Variants in KLHL1 observed in about 807,000 individuals in gnomAD.
The protein encoded by KLHL1 is kelch-like protein 1.
In KLHL1, 47 loss-of-function variants were observed where a neutral mutation model predicts 77.7. That is an observed-to-expected ratio of 0.60 (90% CI 0.48 to 0.77). KLHL1 has a LOEUF of 0.77. KLHL1 is among the 30% of genes least tolerant of loss of function. The pLI, the probability that KLHL1 is intolerant of heterozygous loss-of-function variation, is 0.00. For missense variants in KLHL1, 925 were observed against 910.8 expected, an observed-to-expected ratio of 1.02 and a Z score of -0.20; for synonymous variants, 360 against 325.2, an observed-to-expected ratio of 1.11 and a Z score of -1.15.
intron 1 of KLHL1, among the ~76,000 whole-genome samples, chr13:69,989,142 T>A (rs1884954924): frequency 6.6e-6 from 1 of 152,086 alleles, no homozygotes; most frequent in African/African-American, 2.4e-5. Context: ...TTGTATATAG[T>A]GTAAGGAAGG....
Position 69,943,782 on chromosome 13 carries a change from T to A in KLHL1, c.818-3546A>T, listed in dbSNP as rs928143520. Among the ~76,000 whole-genome samples, 4 of 152,306 alleles carry A rather than the reference T, an allele frequency of 2.6e-5. No individual in the cohort carries two copies. The East Asian group carries it at 5.8e-4, about 22-fold the overall frequency. On this transcript the variant is annotated intron_variant, in intron 3 of 10. Transcript: ENST00000377844. ...CATATATACCCTTCAACATATTGTT[T>A]TGACTTAAAACTTCAGAGGAATTTT...
intron 8 of KLHL1, among the ~76,000 whole-genome samples, chr13:69,723,564 C>A (rs1873161408): frequency 6.6e-6 from 1 of 152,020 alleles, no homozygotes; most frequent in Non-Finnish European, 1.5e-5. Context: ...TATGAATAGA[C>A]CCCTCCTCTT....
intron 4 of KLHL1, among the ~76,000 whole-genome samples, chr13:69,913,070 T>A (rs942238128): frequency 1.3e-5 from 2 of 152,162 alleles, no homozygotes; most frequent in African/African-American, 4.8e-5. Flanking sequence ...CTCCACAAAC[T>A]GGAGTTCCAG....
At chr13:69,815,709 A>T (rs1172966541) in intron 6 of KLHL1, among the ~76,000 whole-genome samples, 3 of 152,116 alleles carry the variant, frequency 2.0e-5, no homozygotes, top group South Asian at 2.1e-4. Flanking sequence ...GGAATCTAAA[A>T]TTTTTTAAAA....
chr13:69,911,548 A>C (rs920182585), intron 4 of KLHL1, among the ~76,000 whole-genome samples: 1 of 136,668 alleles, frequency 7.3e-6, no homozygotes, highest in Non-Finnish European at 1.6e-5. Flanking sequence ...GGCTGCAGCT[A>C]GGTATAGGAA....
At chr13:69,795,376 C>T (rs187326719) in intron 7 of KLHL1, among the ~76,000 whole-genome samples, 10 of 152,206 alleles carry the variant, frequency 6.6e-5, no homozygotes, top group African/African-American at 2.2e-4. Context: ...TTTTGCTTAC[C>T]TGTGAATGTC....
chr13:69,798,075 G>A (rs1279762780), intron 6 of KLHL1, among the ~76,000 whole-genome samples: 1 of 145,422 alleles, frequency 6.9e-6, no homozygotes, highest in Non-Finnish European at 1.5e-5. Flanking sequence ...TGCCTGTGTA[G>A]AACAAGCTCC....
intron 3 of KLHL1, among the ~76,000 whole-genome samples, chr13:69,958,066 A>C (rs115211104): frequency 1.3e-5 from 2 of 151,756 alleles, no homozygotes; most frequent in African/African-American, 4.8e-5. Context: ...AGTTGCAAGA[A>C]TTATTATTTT....
intron 4 of KLHL1, among the ~76,000 whole-genome samples, chr13:69,928,096 A>G (rs1399104333): frequency 6.6e-6 from 1 of 152,220 alleles, no homozygotes; most frequent in Non-Finnish European, 1.5e-5. Flanking sequence ...TTGTTCCTAT[A>G]GATAGAATTT....
chr13:70,052,572 ATTAG>A (rs1236039953), intron 1 of KLHL1, among the ~76,000 whole-genome samples: 37 of 152,106 alleles, frequency 2.4e-4, no homozygotes, highest in African/African-American at 8.9e-4. Flanking sequence ...ATATTTTAAT[ATTAG>A]TTAATTTTAA....
chr13:69,790,189 G>T (rs948091859), intron 7 of KLHL1, among the ~76,000 whole-genome samples: 1 of 152,076 alleles, frequency 6.6e-6, no homozygotes, highest in Non-Finnish European at 1.5e-5. Context: ...ACATTGTCAG[G>T]AATTGCATGA....
chr13:69,922,844 T>A (rs1882686613), intron 4 of KLHL1, among the ~76,000 whole-genome samples: 1 of 152,160 alleles, frequency 6.6e-6, no homozygotes, highest in Non-Finnish European at 1.5e-5. Context: ...ATTCCTTAAG[T>A]TGGGTAGTAC....
chr13:69,916,187 C>A (rs566961614), intron 4 of KLHL1, among the ~76,000 whole-genome samples: 6 of 152,150 alleles, frequency 3.9e-5, no homozygotes, highest in African/African-American at 1.4e-4. Flanking sequence ...TGTGGCGATT[C>A]CTCAGGGATC....
chr13:69,889,570 A>G (rs76074501), intron 4 of KLHL1, among the ~76,000 whole-genome samples: 2,317 of 152,194 alleles, frequency 0.015, 26 homozygotes, highest in Non-Finnish European at 0.025. Flanking sequence ...TGTAACATAT[A>G]TGCACCCTTA....
intron 1 of KLHL1, among the ~76,000 whole-genome samples, chr13:69,976,497 A>T (rs1265759998): frequency 6.6e-6 from 1 of 152,100 alleles, no homozygotes; most frequent in Non-Finnish European, 1.5e-5. Flanking sequence ...CAAAAAAAAT[A>T]ACTTTAATAA....
chr13:69,812,221 G>A (rs1173289600), intron 6 of KLHL1, among the ~76,000 whole-genome samples: 1 of 152,120 alleles, frequency 6.6e-6, no homozygotes, highest in Non-Finnish European at 1.5e-5. Flanking sequence ...TTCTGAGTGA[G>A]TTTCTTAATC....
intron 1 of KLHL1, among the ~76,000 whole-genome samples, chr13:70,038,882 C>A (rs1041876845): frequency 2.2e-4 from 33 of 152,004 alleles, no homozygotes; most frequent in African/African-American, 8.0e-4. Flanking sequence ...TGAGCCACTG[C>A]GCCCGGCCCT....
At position 69,719,490 on chromosome 13, in the gene KLHL1, G is replaced by C. The variant is rs141275075; in HGVS notation, c.1894C>G (p.Pro632Ala). ...ACACCCCCTCTCCTCTTACACATGG[G>C]AGCACACATGTTCCACTTATTTGTA... ...PHTNKWNMCAPMCKRRGGVGV... is the reference protein window; with the variant it reads ...PHTNKWNMCAAMCKRRGGVGV... The change falls in exon 9 of 11, where the codon CCC (proline) becomes GCC (alanine). Residue 632 changes from proline (P) to alanine (A), a missense_variant. Transcript: ENST00000377844. 4.1e-5 allele frequency: 66 copies of C among 1,613,294 alleles called. No individual in the cohort carries two copies. The highest frequency in any genetic ancestry group is 5.5e-5 in the Non-Finnish European group (65 of 1,179,692).
intron 1 of KLHL1, among the ~76,000 whole-genome samples, chr13:70,025,513 G>C (rs1320902248): frequency 1.3e-5 from 2 of 151,868 alleles, no homozygotes; most frequent in Non-Finnish European, 2.9e-5. Flanking sequence ...TATCTAACTT[G>C]TAGGCTCTAG....
Sources: allele counts gnomAD v4.1 joint callset (sites outside exome capture counted in the v4.1 genomes callset), GRCh38; gene constraint gnomAD v4.1.1; transcripts MANE v1.5; gene names NCBI Gene and HGNC (gene_info 2026-07-23, HGNC 2026-07-21).